The following C1orf167 variants were observed in gnomAD, a reference collection of about 807,000 sequenced individuals.
The protein encoded by C1orf167 is chromosome 1 open reading frame 167.
A neutral mutation model predicts 176.5 loss-of-function variants in C1orf167; 153 were observed. The ratio of observed to expected loss-of-function variants is 0.87; its 90% CI spans 0.76 to 0.99. C1orf167 has a LOEUF of 0.99. Ranked by LOEUF, C1orf167 falls within the 50% of genes least tolerant of loss-of-function variation. C1orf167 has a pLI of 0.00. For missense variants in C1orf167, 1,490 were observed against 1,817.7 expected, an observed-to-expected ratio of 0.82 and a Z score of 3.28; for synonymous variants, 594 against 752.7, an observed-to-expected ratio of 0.79 and a Z score of 3.45.
Position 11,766,535 on chromosome 1 carries a change from A to C in C1orf167, c.749A>C (p.Glu250Ala). The change falls in exon 3 of 21, where the codon GAG becomes GCG. Residue 250 changes from glutamate to alanine, a missense_variant. Coordinates refer to ENST00000688073, the MANE Select transcript of C1orf167 (RefSeq NM_001010881.2). This position sits in a 1 kb window ranked among gnomAD's most constrained non-coding sequence, Gnocchi z 4.5. Reference protein sequence around the residue: ...LLASVHCLAQEAARLRCQAPQ... With the variant: ...LLASVHCLAQAAARLRCQAPQ... ...GCTTCTGTACATTGCCTGGCGCAGG[A>C]GGCAGCCCGACTCAGGTGCCAGGCT... is the stretch of plus-strand genomic sequence containing the variant. 8.0e-7 allele frequency: 1 copy of C among 1,250,752 alleles called. No homozygotes were observed. Among genetic ancestry groups the C allele is most frequent in the Non-Finnish European group, 1.0e-6 (1 of 968,278 alleles). 77.5% of individuals were successfully genotyped at this position (1,250,752 alleles called of 1,614,324 possible). A position where few individuals can be genotyped will look rare whatever the true frequency, so the allele number is the denominator to read the frequency against.
intron 8 of C1orf167, among the ~76,000 whole-genome samples, chr1:11,773,186 C>T (rs1198557148): frequency 1.3e-5 from 2 of 151,790 alleles, no homozygotes; most frequent in Non-Finnish European, 2.9e-5. Flanking sequence ...AGCCACCGCA[C>T]CCGGCCTGTG....
rs1398381757 is a variant in C1orf167, at chr1:11,768,739, C to T, written c.1543-234C>T. Among the ~76,000 whole-genome samples, 8 of 152,122 alleles carry T rather than the reference C, an allele frequency of 5.3e-5. No homozygotes were observed. Among genetic ancestry groups the T allele is most frequent in the East Asian group, 1.9e-4 (1 of 5,186 alleles). ...AAGGGGTGCTCTGAGAGGGTCCAGT[C>T]GCAGCTTTCATCTTTTAAGGAAAGC... On this transcript the variant is annotated intron_variant, in intron 5 of 20. Coordinates refer to ENST00000688073, the MANE Select transcript of C1orf167 (RefSeq NM_001010881.2). This position sits in a 1 kb window ranked among gnomAD's most constrained non-coding sequence, Gnocchi z 4.5.
Position 11,782,236 on chromosome 1 carries a change from C to T in C1orf167, c.2908C>T (p.Leu970Phe), listed in dbSNP as rs978644795. Residue 970 changes from leucine to phenylalanine, a missense_variant, in exon 14 of 21, where the codon CTC becomes TTC. Physicochemically the swap from Leu to Phe is conservative, Grantham distance 22. Coordinates refer to ENST00000688073, the MANE Select transcript of C1orf167 (RefSeq NM_001010881.2). ...GTGCCAGACATGGGTGCAGGTCCACCTCCAGGGCCTGCAGAAGGTGGTGTT... is the reference window on the plus strand; with the variant it reads ...GTGCCAGACATGGGTGCAGGTCCACTTCCAGGGCCTGCAGAAGGTGGTGTT... ...EKCQTWVQVH[L>F]QGLQKVVFRS... is the part of the protein sequence containing the mutation. 19 of 1,301,172 alleles carry T rather than the reference C, an allele frequency of 1.5e-5. No individual in the cohort carries two copies. The highest frequency in any genetic ancestry group is 2.3e-5 in the Admixed American group (1 of 42,920). The allele number at this position is 1,301,172 out of a possible 1,614,324, so 80.6% of individuals were successfully genotyped here. A position where few individuals can be genotyped will look rare whatever the true frequency, so the allele number is the denominator to read the frequency against.
In C1orf167 at chr1:11,778,648, C is replaced by A. The variant is rs1456913585; in HGVS notation, c.2340-12C>A. 7.8e-7 allele frequency: 1 copy of A among 1,287,934 alleles called. No homozygotes were observed. Among genetic ancestry groups the A allele is most frequent in the Non-Finnish European group, 1.0e-6 (1 of 977,438 alleles). 79.8% of individuals were successfully genotyped at this position (1,287,934 alleles called of 1,614,324 possible). Reference sequence around the variant, plus strand: ...TGAGGCTGGGTGGGTCACTCACCTGCCCCTTCTCTAGCTCCTTCTTCCAGG... The same window carrying A: ...TGAGGCTGGGTGGGTCACTCACCTGACCCTTCTCTAGCTCCTTCTTCCAGG... On this transcript the variant is annotated splice_polypyrimidine_tract_variant and intron_variant, in intron 10 of 20. Coordinates refer to ENST00000688073, the MANE Select transcript of C1orf167 (RefSeq NM_001010881.2).
In C1orf167 at chr1:11,772,154, C is replaced by T; in HGVS notation, c.1883C>T (p.Ala628Val). 4 of 1,304,352 alleles carry T rather than the reference C, an allele frequency of 3.1e-6. No homozygotes were observed. Among genetic ancestry groups the T allele is most frequent in the Non-Finnish European group, 4.0e-6 (4 of 988,960 alleles). 80.8% of individuals were successfully genotyped at this position (1,304,352 alleles called of 1,614,324 possible). A position where few individuals can be genotyped will look rare whatever the true frequency, so the allele number is the denominator to read the frequency against. The change falls in exon 8 of 21, where the codon GCC becomes GTC. Residue 628 changes from alanine to valine, a missense_variant. Ala to Val is a moderately conservative substitution (Grantham distance 64). Transcript: ENST00000688073. ...ERETLRKATR[A>V]TQRTGSFPQA... ...GAGACTCTGCGGAAGGCCACCAGGGCCACACAGAGGACAGGGAGCTTCCCC... is the reference window on the plus strand; with the variant it reads ...GAGACTCTGCGGAAGGCCACCAGGGTCACACAGAGGACAGGGAGCTTCCCC...
chr1:11,786,989 C>A (rs1472178912), intron 16 of C1orf167: 1 of 152,820 alleles, frequency 6.5e-6, no homozygotes, highest in Non-Finnish European at 1.5e-5. Flanking sequence ...GGGAATGGCA[C>A]CCAGGGTGCT....
Position 11,771,593 on chromosome 1 carries a change from CA to C in C1orf167, c.1768del (p.Arg590AspfsTer57), listed in dbSNP as rs1343896256. 7.8e-7 allele frequency: 1 copy of C among 1,289,836 alleles called. No individual in the cohort carries two copies. Among genetic ancestry groups the C allele is most frequent in the South Asian group, 1.2e-5 (1 of 81,036 alleles). 79.9% of individuals were successfully genotyped at this position (1,289,836 alleles called of 1,614,324 possible). A position where few individuals can be genotyped will look rare whatever the true frequency, so the allele number is the denominator to read the frequency against. ...LSHPRQRTDS[R>X]HERVQILQAL... The stretch of plus-strand genomic sequence containing the variant: ...CACATCCTAGGCAGAGAACAGACAG[CA>C]GACACGAGAGAGTCCAGATCCTGCA... On this transcript the variant is annotated frameshift_variant, in exon 7 of 21. Transcript: ENST00000688073. LOFTEE classifies it high-confidence loss of function.
At position 11,769,053 on chromosome 1, in the gene C1orf167, C is replaced by T. The variant is rs577497470; in HGVS notation, c.1623C>T (p.Ala541=). ...AGPGSPPSRR[A]QGKGLSLGRS... ...CAGGGTCCCCGCCCTCCAGGAGAGC[C>T]CAGGGCAAAGGCCTCTCCTTGGGAA... The change falls in exon 6 of 21, where the codon GCC becomes GCT. Residue 541 remains alanine, a synonymous_variant. Coordinates refer to ENST00000688073, the MANE Select transcript of C1orf167 (RefSeq NM_001010881.2). 1.0e-6 allele frequency: 1 copy of T among 985,928 alleles called. No homozygotes were observed. Among genetic ancestry groups the T allele is most frequent in the Admixed American group, 6.1e-5 (1 of 16,284 alleles). 61.1% of individuals were successfully genotyped at this position (985,928 alleles called of 1,614,324 possible).
At chr1:11,787,679 C>T (rs372869912) in intron 17 of C1orf167, 186 bp downstream of exon 17, 27 of 932,334 alleles carry the variant, frequency 2.9e-5, no homozygotes, top group Middle Eastern at 4.2e-4. Flanking sequence ...ATTCCTGCCC[C>T]GCCCCTGTGA....
chr1:11,771,076 T>A (rs1214951212), intron 6 of C1orf167, among the ~76,000 whole-genome samples: 4,627 of 77,508 alleles, frequency 0.06, 128 homozygotes, highest in South Asian at 0.091. Flanking sequence ...TATATTTTTT[T>A]TTTTTTTTTT....
intron 17 of C1orf167, 149 bp from the exon 18 acceptor site, chr1:11,787,723 TG>T: frequency 9.0e-7 from 1 of 1,109,430 alleles, no homozygotes; most frequent in Non-Finnish European, 1.2e-6. Context: ...CGGGAGAGGC[TG>T]GAGGCCTGGG....
Position 11,765,901 on chromosome 1 carries a change from A to G in C1orf167, c.115A>G (p.Arg39Gly), listed in dbSNP as rs1034516783. The G allele has an allele frequency of 3.3e-6, 4 of 1,217,444 alleles. No individual in the cohort carries two copies. The African/African-American group carries it at 6.3e-5, about 19-fold the overall frequency. The allele number at this position is 1,217,444 out of a possible 1,614,324, so 75.4% of individuals were successfully genotyped here. Reference sequence around the variant, plus strand: ...GAGCCTGGGCATCGGCCTGAGTGGTAGACATGACCAGTGGGTGCCCGGGTG... The same window carrying G: ...GAGCCTGGGCATCGGCCTGAGTGGTGGACATGACCAGTGGGTGCCCGGGTG... ...RRSLGIGLSG[R>G]HDQWVPGCQV... Residue 39 changes from arginine (R) to glycine (G), a missense_variant, in exon 3 of 21, where the codon AGA becomes GGA. By Grantham distance (125) the Arg-to-Gly change is moderately radical. Coordinates refer to ENST00000688073, the MANE Select transcript of C1orf167 (RefSeq NM_001010881.2).
intron 3 of C1orf167, 38 bp downstream of exon 3, chr1:11,767,123 A>G (rs6540995): frequency 0.99 from 1,256,778 of 1,264,278 alleles, 624,980 homozygotes; most frequent in East Asian, 1. Context: ...GGTAGGGGGT[A>G]GGAGGTGTTG....
rs996567968 is a variant in C1orf167 at position 11,766,269 on chromosome 1, C to A, written c.483C>A (p.Arg161=). ...TCCTATCCCAAGAGCCACTGGCTCG[C>A]CCATCTTCCTGCCTGAGGCAGTCCG... is the stretch of plus-strand genomic sequence containing the variant. ...GPLLSQEPLA[R]PSSCLRQSGL... Residue 161 remains arginine (R), a synonymous_variant, in exon 3 of 21, where the codon CGC becomes CGA. Coordinates refer to ENST00000688073, the MANE Select transcript of C1orf167 (RefSeq NM_001010881.2). This position sits in a 1 kb window ranked among gnomAD's most constrained non-coding sequence, Gnocchi z 4.5. The A allele has an allele frequency of 1.6e-6, 2 of 1,289,826 alleles. No homozygotes were observed. Among genetic ancestry groups the A allele is most frequent in the Non-Finnish European group, 1.0e-6 (1 of 988,866 alleles). The allele number at this position is 1,289,826 out of a possible 1,614,324, so 79.9% of individuals were successfully genotyped here.
intron 20 of C1orf167, 66 bp from the exon 21 acceptor site, chr1:11,789,204 G>A: frequency 7.1e-6 from 9 of 1,269,440 alleles, no homozygotes; most frequent in Non-Finnish European, 9.3e-6. Flanking sequence ...GGTTGCTCTA[G>A]CAGGCACAGC....
At position 11,788,263 on chromosome 1, in the gene C1orf167, G is replaced by C. The variant is rs1011793802; in HGVS notation, c.3963G>C (p.Pro1321=). 7.7e-7 allele frequency: 1 copy of C among 1,303,724 alleles called. No homozygotes were observed. The highest frequency in any genetic ancestry group is 1.5e-5 in the African/African-American group (1 of 65,870). The allele number at this position is 1,303,724 out of a possible 1,614,324, so 80.8% of individuals were successfully genotyped here. The part of the protein sequence containing the change: ...LGHQEEVPAA[P]VPRGTASRAA... ...ATCAGGAGGAAGTACCTGCAGCGCC[G>C]GTGCCTCGAGGCACTGCTTCACGGG... Residue 1321 remains proline (P), a synonymous_variant, in exon 19 of 21, where the codon CCG becomes CCC. Transcript: ENST00000688073.
chr1:11,785,061 GC>G (rs1372728453), intron 15 of C1orf167, 86 bp from the exon 16 acceptor site: 1 of 1,117,084 alleles, frequency 9.0e-7, no homozygotes, highest in African/African-American at 1.6e-5. Flanking sequence ...GGCCCGGAAG[GC>G]CCCCTCCCGC....
intron 19 of C1orf167, 32 bp from the exon 20 acceptor site, chr1:11,788,620 C>T (rs1438224230): frequency 3.8e-6 from 5 of 1,298,710 alleles, no homozygotes; most frequent in Non-Finnish European, 4.1e-6. Flanking sequence ...AGCGTGAGCA[C>T]AAGAGGCCTT....
intron 1 of C1orf167, among the ~76,000 whole-genome samples, chr1:11,762,629 A>G (rs1642566598): frequency 6.6e-6 from 1 of 152,110 alleles, no homozygotes. Flanking sequence ...GGCCCTTCTA[A>G]GCTCCTGTCC....
Sources: gnomAD v4.1 joint callset for allele counts (sites outside exome capture counted in the v4.1 genomes callset) on GRCh38, gnomAD v4.1.1 for gene constraint, Gnocchi (gnomAD v3.1) non-coding constraint, MANE v1.5 for transcripts, NCBI Gene and HGNC (gene_info 2026-07-23, HGNC 2026-07-21) for gene names.